TAF1B: variants seen among roughly 807,000 people sequenced by gnomAD.
The protein encoded by TAF1B is TATA box-binding protein-associated factor RNA polymerase I subunit B.
A neutral mutation model predicts 83.9 loss-of-function variants in TAF1B; 61 were observed. That is an observed-to-expected ratio of 0.73 (90% CI 0.59 to 0.90). The LOEUF is 0.90. Among genes scored for constraint, TAF1B ranks in the 40% least tolerant of loss-of-function variants. TAF1B has a pLI of 0.00. For missense variants in TAF1B, 625 were observed against 677.0 expected (o/e 0.92, Z 0.85); for synonymous variants, 221 against 224.6 (o/e 0.98, Z 0.14).
At chr2:9,909,306 T>C (rs924169686) in intron 9 of TAF1B, among the ~76,000 whole-genome samples, 1 of 152,244 alleles carries the variant, frequency 6.6e-6, no homozygotes, top group Admixed American at 6.5e-5. Context: ...TGCCAGGACA[T>C]CTGCTTTAGC....
In TAF1B at chr2:9,849,398, A is replaced by G; in HGVS notation, c.143A>G (p.Asp48Gly). Residue 48 changes from aspartate (D) to glycine (G), a missense_variant, in exon 3 of 15, where the codon GAT (aspartate) becomes GGT (glycine). Physicochemically the swap from Asp to Gly is moderately conservative, Grantham distance 94. Transcript: ENST00000263663. ...TERYQEVTNT[D>G]LIPNTQIKAL... ...AGATATCAGGAAGTTACAAACACTGATCTTATTCCTAATACCCAAATAAAA... is the reference window on the plus strand; with the variant it reads ...AGATATCAGGAAGTTACAAACACTGGTCTTATTCCTAATACCCAAATAAAA... The G allele has an allele frequency of 1.3e-6, 2 of 1,598,582 alleles. No individual in the cohort carries two copies. Among genetic ancestry groups the G allele is most frequent in the Non-Finnish European group, 1.7e-6 (2 of 1,173,474 alleles).
intron 7 of TAF1B, among the ~76,000 whole-genome samples, chr2:9,877,730 A>G (rs1664365177): frequency 6.6e-6 from 1 of 152,204 alleles, no homozygotes; most frequent in South Asian, 2.1e-4. Flanking sequence ...CTAGAAATCT[A>G]ACAAGGTGGA....
At chr2:9,929,724 C>CT (rs551041903) in intron 14 of TAF1B, among the ~76,000 whole-genome samples, 1 of 152,108 alleles carries the variant, frequency 6.6e-6, no homozygotes, top group Non-Finnish European at 1.5e-5. Context: ...AGGATTCCCT[C>CT]TTTTTTCTGT....
chr2:9,927,062 G>A (rs4669498), intron 14 of TAF1B, among the ~76,000 whole-genome samples: 39,878 of 106,098 alleles, frequency 0.38, 6,476 homozygotes, highest in Middle Eastern at 0.52. Context: ...GATGTTCCCC[G>A]CCCTGTGTCC....
At chr2:9,873,082 A>G (rs560869888) in intron 6 of TAF1B, among the ~76,000 whole-genome samples, 1 of 152,186 alleles carries the variant, frequency 6.6e-6, no homozygotes, top group Non-Finnish European at 1.5e-5. Context: ...AAACCTTTGC[A>G]TGGCTTTCAA....
At position 9,875,929 on chromosome 2, in the gene TAF1B, C is replaced by T. The variant is rs143865601; in HGVS notation, c.618C>T (p.Ile206=). 22 of 1,613,352 alleles carry T rather than the reference C, an allele frequency of 1.4e-5. No individual in the cohort carries two copies. Among genetic ancestry groups the T allele is most frequent in the East Asian group, 2.2e-5 (1 of 44,878 alleles). The part of the protein sequence containing the change: ...VEYSQRKEKG[I]VKMTMPQTLA... Reference sequence around the variant, plus strand: ...ACTCACAACGAAAGGAGAAGGGAATCGTGAAGATGACCATGCCACAGACAC... The same window carrying T: ...ACTCACAACGAAAGGAGAAGGGAATTGTGAAGATGACCATGCCACAGACAC... The change falls in exon 7 of 15, where the codon ATC becomes ATT. Residue 206 remains isoleucine (I), a synonymous_variant. Transcript: ENST00000263663.
intron 8 of TAF1B, among the ~76,000 whole-genome samples, chr2:9,902,227 CTTTTTTTT>C (rs35648389): frequency 6.9e-6 from 1 of 144,228 alleles, no homozygotes; most frequent in African/African-American, 2.6e-5. Flanking sequence ...ATATATGAAG[CTTTTTTTT>C]TTTTTTTTAC....
intron 5 of TAF1B, among the ~76,000 whole-genome samples, chr2:9,855,648 C>T (rs1239364228): frequency 6.6e-6 from 1 of 152,022 alleles, no homozygotes; most frequent in Non-Finnish European, 1.5e-5. Flanking sequence ...CACACCACTG[C>T]ACTCCAGCCT....
At chr2:9,915,460 C>A (rs1665654697) in intron 12 of TAF1B, among the ~76,000 whole-genome samples, 1 of 152,090 alleles carries the variant, frequency 6.6e-6, no homozygotes, top group South Asian at 2.1e-4. Flanking sequence ...AAAAAAACTC[C>A]ATTTTTTTAA....
intron 5 of TAF1B, among the ~76,000 whole-genome samples, chr2:9,855,359 C>T (rs949552902): frequency 6.6e-6 from 1 of 152,122 alleles, no homozygotes; most frequent in Non-Finnish European, 1.5e-5. Flanking sequence ...CCGATAAACC[C>T]ATTGTAAGCT....
chr2:9,888,812 T>TAAGACAAA (rs1664770603), intron 8 of TAF1B, among the ~76,000 whole-genome samples: 2 of 145,628 alleles, frequency 1.4e-5, no homozygotes, highest in Non-Finnish European at 3.0e-5. Flanking sequence ...TTTTTTTTTT[T>TAAGACAAA]TTTTTTTTAA....
chr2:9,919,159 G>C lies in TAF1B; in HGVS notation c.1342+48G>C, dbSNP rs373928369. The C allele has an allele frequency of 5.4e-5, 81 of 1,491,788 alleles. No individual in the cohort carries two copies. The African/African-American group carries it at 9.2e-4, about 17-fold the overall frequency. The allele number at this position is 1,491,788 out of a possible 1,614,324, so 92.4% of individuals were successfully genotyped here. On this transcript the variant is annotated intron_variant, in intron 13 of 14. Coordinates refer to ENST00000263663, the MANE Select transcript of TAF1B (RefSeq NM_005680.3). ...AATACCAAGTAGCAACACAGTTGTA[G>C]AAAAATTAAATATCTGGACTTGAAA...
chr2:9,868,725 G>C (rs1216719004), intron 6 of TAF1B: 1 of 547,352 alleles, frequency 1.8e-6, no homozygotes, highest in Non-Finnish European at 3.6e-6. Context: ...TATATGTGTG[G>C]GCTCAGCGTC....
At chr2:9,912,863 A>G (rs980850978) in intron 11 of TAF1B, among the ~76,000 whole-genome samples, 7 of 152,244 alleles carry the variant, frequency 4.6e-5, no homozygotes, top group Non-Finnish European at 5.9e-5. Context: ...CTACAAGGTC[A>G]TATTGGATTA....
At chr2:9,849,646 GAA>G (rs781425053) in intron 3 of TAF1B, among the ~76,000 whole-genome samples, 186 bp downstream of exon 3, 1 of 152,090 alleles carries the variant, frequency 6.6e-6, no homozygotes, top group Non-Finnish European at 1.5e-5. Context: ...TGCTTTTATA[GAA>G]AAAATGCTTA....
At chr2:9,896,993 T>C (rs1430979311) in intron 8 of TAF1B, among the ~76,000 whole-genome samples, 2 of 152,218 alleles carry the variant, frequency 1.3e-5, no homozygotes, top group African/African-American at 2.4e-5. Context: ...TAAATTAATT[T>C]GGAGATAACC....
chr2:9,864,209 A>G (rs1489466955), intron 5 of TAF1B, among the ~76,000 whole-genome samples: 1 of 152,086 alleles, frequency 6.6e-6, no homozygotes, highest in Non-Finnish European at 1.5e-5. Context: ...AGCAAGACTA[A>G]TAAAGAAGAA....
intron 9 of TAF1B, 39 bp from the exon 10 acceptor site, chr2:9,910,697 G>A: frequency 6.4e-7 from 1 of 1,574,448 alleles, no homozygotes; most frequent in East Asian, 2.3e-5. Flanking sequence ...GGATGGTCTA[G>A]TTGGCAAATA....
Position 9,934,356 on chromosome 2 carries a change from A to T in TAF1B, c.*372A>T, listed in dbSNP as rs1239911467. The T allele has an allele frequency of 6.3e-6, 1 of 159,262 alleles. No homozygotes were observed. The highest frequency in any genetic ancestry group is 1.4e-5 in the Non-Finnish European group (1 of 72,432). The allele number at this position is 159,262 out of a possible 1,614,324, so 9.9% of individuals were successfully genotyped here. On this transcript the variant is annotated 3_prime_UTR_variant, in exon 15 of 15. Coordinates refer to ENST00000263663, the MANE Select transcript of TAF1B (RefSeq NM_005680.3). ...ATCAAAGATCTAAACATAATCTTTCATATGTAAAAATATAAAAGTATTAGT... is the reference window on the plus strand; with the variant it reads ...ATCAAAGATCTAAACATAATCTTTCTTATGTAAAAATATAAAAGTATTAGT...
Sources: allele counts gnomAD v4.1 joint callset (sites outside exome capture counted in the v4.1 genomes callset), GRCh38; gene constraint gnomAD v4.1.1; transcripts MANE v1.5; gene names NCBI Gene and HGNC (gene_info 2026-07-23, HGNC 2026-07-21).